Variants in SCMH1 observed in about 807,000 individuals in gnomAD.
The protein encoded by SCMH1 is polycomb protein SCMH1.
SCMH1 carries 37 observed loss-of-function variants against 70.8 expected under a neutral mutation model. That is an observed-to-expected ratio of 0.52 (90% CI 0.40 to 0.69). The LOEUF (loss-of-function observed/expected upper bound fraction) is 0.69, where lower values mean the gene tolerates loss of function less well. Among genes scored for constraint, SCMH1 ranks in the 30% least tolerant of loss-of-function variants. The probability of loss-of-function intolerance (pLI) is 0.00; values close to 1 mark genes in which losing one functional copy is unlikely to be tolerated. For missense variants in SCMH1, 607 were observed against 827.3 expected, an observed-to-expected ratio of 0.73 and a Z score of 3.27; for synonymous variants, 292 against 307.4, an observed-to-expected ratio of 0.95 and a Z score of 0.52.
At chr1:41,219,982 G>A (rs994856824) in intron 1 of SCMH1, among the ~76,000 whole-genome samples, 2 of 150,876 alleles carry the variant, frequency 1.3e-5, no homozygotes, top group African/African-American at 2.4e-5. Context: ...TGGTCTTTCA[G>A]ATCTTTGACT....
intron 8 of SCMH1, among the ~76,000 whole-genome samples, chr1:41,075,875 C>G (rs1408152125): frequency 1.3e-5 from 2 of 152,164 alleles, no homozygotes; most frequent in Non-Finnish European, 2.9e-5. Flanking sequence ...GGGATAAGAA[C>G]TTGTTTTAAA....
At chr1:41,126,990 C>CA (rs200898207) in intron 6 of SCMH1, among the ~76,000 whole-genome samples, 13 of 149,662 alleles carry the variant, frequency 8.7e-5, no homozygotes, top group South Asian at 4.2e-4. Context: ...ATGTCCCCAG[C>CA]AAAAAAAAAT....
At chr1:41,239,324 G>A (rs1239219084) in intron 1 of SCMH1, among the ~76,000 whole-genome samples, 1 of 152,102 alleles carries the variant, frequency 6.6e-6, no homozygotes, top group Non-Finnish European at 1.5e-5. Context: ...TTTGAAGGAC[G>A]CTTTCTGCTC....
intron 1 of SCMH1, among the ~76,000 whole-genome samples, chr1:41,191,827 G>T (rs987833451): frequency 6.6e-5 from 10 of 152,118 alleles, no homozygotes; most frequent in African/African-American, 2.4e-4. Flanking sequence ...TCCTCTTAGG[G>T]AGACAGAATG....
chr1:41,159,744 T>A (rs1645866387), intron 4 of SCMH1: 1 of 1,533,940 alleles, frequency 6.5e-7, no homozygotes, highest in Non-Finnish European at 8.8e-7. Context: ...TTCATTTCAT[T>A]CATTTCTTCA....
In SCMH1 at chr1:41,143,889, T is replaced by G. The variant is rs1286687715; in HGVS notation, c.178-777A>C. Among the ~76,000 whole-genome samples the G allele has an allele frequency of 4.6e-5, 7 of 152,336 alleles. No individual in the cohort carries two copies. In the East Asian group the frequency reaches 1.2e-3, roughly 25 times the overall value. On this transcript the variant is annotated intron_variant, in intron 5 of 14. Coordinates refer to ENST00000337495, the Ensembl canonical transcript of SCMH1. ...AGCTTCTTTCACTCAGCATAACTAC[T>G]CTGATAATTCATCCATATTAGTAAT...
intron 1 of SCMH1, among the ~76,000 whole-genome samples, chr1:41,187,948 C>T (rs1055697409): frequency 2.0e-5 from 3 of 152,024 alleles, no homozygotes; most frequent in Non-Finnish European, 2.9e-5. Context: ...GGTCATACCA[C>T]TGCACTCCAG....
chr1:41,116,248 T>G (rs964988006), intron 7 of SCMH1, among the ~76,000 whole-genome samples: 3 of 152,192 alleles, frequency 2.0e-5, no homozygotes, highest in African/African-American at 7.2e-5. Flanking sequence ...AGCAGGATGC[T>G]CTTAGTGTTG....
intron 1 of SCMH1, among the ~76,000 whole-genome samples, chr1:41,198,119 T>C (rs1557799735): frequency 6.6e-6 from 1 of 152,186 alleles, no homozygotes; most frequent in Non-Finnish European, 1.5e-5. Context: ...TCTATTTTCA[T>C]GAATTAATGT....
intron 1 of SCMH1, among the ~76,000 whole-genome samples, chr1:41,192,710 C>G (rs1170584095): frequency 6.6e-6 from 1 of 152,172 alleles, no homozygotes; most frequent in Non-Finnish European, 1.5e-5. Context: ...TCCAAACATT[C>G]TTGACATTTA....
At chr1:41,240,392 G>A (rs1003446724) in intron 1 of SCMH1, among the ~76,000 whole-genome samples, 3 of 152,166 alleles carry the variant, frequency 2.0e-5, no homozygotes, top group African/African-American at 7.2e-5. Flanking sequence ...GAGTTTAGGA[G>A]GTTGGTAAGT....
chr1:41,105,148 G>A (rs1472908755), intron 8 of SCMH1, among the ~76,000 whole-genome samples: 1 of 149,482 alleles, frequency 6.7e-6, no homozygotes, highest in Non-Finnish European at 1.5e-5. Context: ...TATTTTTGTA[G>A]AGACAGGGTT....
At chr1:41,242,154 G>A (rs1298046219), upstream of SCMH1, 1 of 148,580 alleles carries the variant, frequency 6.7e-6, no homozygotes, top group Non-Finnish European at 1.5e-5. This position sits in a 1 kb window ranked among gnomAD's most constrained non-coding sequence, Gnocchi z 5.2. Context: ...AAGGGGGCGG[G>A]CGGGCGGCTC....
intron 1 of SCMH1, among the ~76,000 whole-genome samples, chr1:41,233,684 T>A (rs745321249): frequency 2.0e-5 from 3 of 152,192 alleles, no homozygotes; most frequent in Non-Finnish European, 4.4e-5. Flanking sequence ...TTTAAAAAAA[T>A]ATCCAATGAT....
Position 41,039,616 on chromosome 1 carries a change from G to A in SCMH1, c.1499-2075C>T, listed in dbSNP as rs115098289. Among the ~76,000 whole-genome samples, 367 of 151,564 alleles carry A rather than the reference G, an allele frequency of 2.4e-3. 2 individuals are homozygous for A. Among genetic ancestry groups the A allele is most frequent in the African/African-American group, 8.2e-3 (340 of 41,384 alleles). Reference sequence around the variant, plus strand: ...TGCCTCAGCCTCCCAAGTAGTGCATGCCATCATGCCCCACTGATTTTTTTT... The same window carrying A: ...TGCCTCAGCCTCCCAAGTAGTGCATACCATCATGCCCCACTGATTTTTTTT... On this transcript the variant is annotated intron_variant, in intron 12 of 14. Coordinates refer to ENST00000337495, the Ensembl canonical transcript of SCMH1.
chr1:41,202,540 G>C (rs1371423052), intron 1 of SCMH1, among the ~76,000 whole-genome samples: 3 of 152,154 alleles, frequency 2.0e-5, no homozygotes, highest in Non-Finnish European at 4.4e-5. Context: ...CTATTTAATA[G>C]TGTAGAGAAC....
intron 4 of SCMH1, among the ~76,000 whole-genome samples, chr1:41,155,810 C>T (rs185100821): frequency 6.6e-5 from 10 of 151,824 alleles, no homozygotes; most frequent in South Asian, 4.2e-4. Context: ...GATGAAACCT[C>T]GTCTCTACTA....
At chr1:41,168,235 A>G (rs1646543521) in intron 2 of SCMH1, among the ~76,000 whole-genome samples, 1 of 151,840 alleles carries the variant, frequency 6.6e-6, no homozygotes, top group Non-Finnish European at 1.5e-5. Flanking sequence ...AATATATTTT[A>G]TTTCTTCTTT....
At chr1:41,080,436 T>C (rs949776097) in intron 8 of SCMH1, among the ~76,000 whole-genome samples, 1 of 152,018 alleles carries the variant, frequency 6.6e-6, no homozygotes, top group African/African-American at 2.4e-5. Context: ...AAAAAAAAAC[T>C]ATAGACTAAT....
Sources: allele counts gnomAD v4.1 joint callset (sites outside exome capture counted in the v4.1 genomes callset), GRCh38; gene constraint gnomAD v4.1.1; non-coding constraint Gnocchi (gnomAD v3.1); transcripts MANE v1.5; gene names NCBI Gene and HGNC (gene_info 2026-07-23, HGNC 2026-07-21).